Variants in ZBED1 observed in about 807,000 individuals in gnomAD.
ZBED1 encodes E3 SUMO-protein ligase ZBED1.
In ZBED1, 19 loss-of-function variants were observed where a neutral mutation model predicts 49.7. The observed-to-expected ratio is 0.38, with a 90% CI of 0.27 to 0.56. The LOEUF (loss-of-function observed/expected upper bound fraction) is 0.56. ZBED1 is among the 20% of genes least tolerant of loss of function. The pLI is 0.70. For synonymous variants in ZBED1, 439 were observed against 440.3 expected, an observed-to-expected ratio of 1.00 and a Z score of 0.04; for missense variants, 806 against 972.6, an observed-to-expected ratio of 0.83 and a Z score of 2.28.
chrX:2,488,511 TTCTAGGTG>T lies in ZBED1; in HGVS notation c.*116_*123del. The T allele has an allele frequency of 7.9e-7, 1 of 1,265,394 alleles. No homozygotes were observed. Among genetic ancestry groups the T allele is most frequent in the South Asian group, 1.6e-5 (1 of 63,470 alleles). The allele number at this position is 1,265,394 out of a possible 1,614,324, so 78.4% of individuals were successfully genotyped here. A position where few individuals can be genotyped will look rare whatever the true frequency, so the allele number is the denominator to read the frequency against. ...CTCAAATCTCTTTCCTTTTTCCACC[TTCTAGGTG>T]TCAAAGACAGTGGATGGTCTCTGAG... On this transcript the variant is annotated 3_prime_UTR_variant, in exon 2 of 2. Transcript: ENST00000652001.
At position 2,492,422 on chromosome X, in the gene ZBED1, A is replaced by G. The variant is rs2045176310; in HGVS notation, c.-53-1650T>C. 4.8e-5 allele frequency among the ~76,000 whole-genome samples: 7 copies of G among 144,876 alleles called. No individual in the cohort carries two copies. The South Asian group carries it at 1.5e-3, about 32-fold the overall frequency. On this transcript the variant is annotated intron_variant, in intron 1 of 1. Coordinates refer to ENST00000652001, the MANE Select transcript of ZBED1 (RefSeq NM_001171136.2). The stretch of plus-strand genomic sequence containing the variant: ...GGAGAGGCAGGAAGGATCCTCCTCT[A>G]GAGCCTCCACAATGAACTGGATAAA...
intron 1 of ZBED1, among the ~76,000 whole-genome samples, chrX:2,499,406 A>T (rs1345082516): frequency 6.6e-6 from 1 of 150,976 alleles, no homozygotes; most frequent in African/African-American, 2.4e-5. Context: ...AGTATCATTT[A>T]ACCTAACATG....
intron 1 of ZBED1, among the ~76,000 whole-genome samples, chrX:2,491,398 T>C (rs2045141490): frequency 6.6e-6 from 1 of 152,100 alleles, no homozygotes; most frequent in African/African-American, 2.4e-5. Flanking sequence ...CGCAGGGGCT[T>C]GTTGTTCCTG....
At chrX:2,498,957 T>C (rs1374499725) in intron 1 of ZBED1, among the ~76,000 whole-genome samples, 1 of 152,072 alleles carries the variant, frequency 6.6e-6, no homozygotes, top group Non-Finnish European at 1.5e-5. Context: ...GTAATTATGC[T>C]AAGTGGGTTT....
chrX:2,490,369 G>A lies in ZBED1; in HGVS notation c.351C>T (p.Gly117=), dbSNP rs1366478305. 6.2e-7 allele frequency: 1 copy of A among 1,613,546 alleles called. No individual in the cohort carries two copies. Among genetic ancestry groups the A allele is most frequent in the Admixed American group, 1.7e-5 (1 of 59,998 alleles). The change falls in exon 2 of 2, where the codon GGC becomes GGT. Residue 117 remains glycine, a synonymous_variant. Transcript: ENST00000652001. Reference sequence around the variant, plus strand: ...GCTCCTGCTGCTTCTTGCTGTCGTAGCCGTGGCCGGCCTTGACGGCCAGCG... The same window carrying A: ...GCTCCTGCTGCTTCTTGCTGTCGTAACCGTGGCCGGCCTTGACGGCCAGCG... ...QDALAVKAGH[G]YDSKKQQELT... is the part of the protein sequence containing the mutation.
At chrX:2,495,074 G>T (rs2045247826) in intron 1 of ZBED1, among the ~76,000 whole-genome samples, 3 of 147,368 alleles carry the variant, frequency 2.0e-5, no homozygotes, top group Non-Finnish European at 3.0e-5. Flanking sequence ...GTTATTATTT[G>T]GCTGAAAGAC....
intron 1 of ZBED1, among the ~76,000 whole-genome samples, chrX:2,498,747 G>T (rs1466142673): frequency 6.6e-6 from 1 of 152,048 alleles, no homozygotes; most frequent in African/African-American, 2.4e-5. Context: ...GGCCCACACA[G>T]GCCCTTAAGG....
chrX:2,487,345 C>T lies in ZBED1; in HGVS notation c.*1290G>A, dbSNP rs1319195081. On this transcript the variant is annotated 3_prime_UTR_variant, in exon 2 of 2. Coordinates refer to ENST00000652001, the MANE Select transcript of ZBED1 (RefSeq NM_001171136.2). ...TAGGGCTGAGACACCGAAGACATAACCTCCGGACCCGTGAGCCACCCACTT... is the reference window on the plus strand; with the variant it reads ...TAGGGCTGAGACACCGAAGACATAATCTCCGGACCCGTGAGCCACCCACTT... The T allele has an allele frequency of 6.6e-6, 1 of 151,574 alleles. No individual in the cohort carries two copies. The highest frequency in any genetic ancestry group is 2.0e-4 in the East Asian group (1 of 4,974). 9.4% of individuals were successfully genotyped at this position (151,574 alleles called of 1,614,324 possible). A position where few individuals can be genotyped will look rare whatever the true frequency, so the allele number is the denominator to read the frequency against.
At chrX:2,493,994 A>AG (rs1237174164) in intron 1 of ZBED1, among the ~76,000 whole-genome samples, 1 of 151,816 alleles carries the variant, frequency 6.6e-6, no homozygotes, top group East Asian at 1.9e-4. Context: ...AAAACAAAAA[A>AG]AAAGATATAT....
chrX:2,488,911 C>T lies in ZBED1; in HGVS notation c.1809G>A (p.Lys603=), dbSNP rs760777464. ...TCACGCACCAGTACTTCTGCAGCAC[C>T]TTGGGCAGCAGGGGGAAGAGGGCCA... The part of the protein sequence containing the change: ...DRLALFPLLP[K]VLQKYWCVTA... Residue 603 remains lysine, a synonymous_variant, in exon 2 of 2, where the codon AAG becomes AAA. Transcript: ENST00000652001. The T allele has an allele frequency of 6.2e-7, 1 of 1,605,530 alleles. No homozygotes were observed. The highest frequency in any genetic ancestry group is 1.1e-5 in the South Asian group (1 of 89,908).
In ZBED1 at chrX:2,489,566, A is replaced by T; in HGVS notation, c.1154T>A (p.Met385Lys). Residue 385 changes from methionine (M) to lysine (K), a missense_variant, in exon 2 of 2, where the codon ATG (methionine) becomes AAG (lysine). Physicochemically the swap from Met to Lys is moderately conservative, Grantham distance 95. Around this residue, in one of 2 missense-constraint regions of ZBED1, gnomAD observed 749 missense variants for 861.3 expected, o/e 0.87. Coordinates refer to ENST00000652001, the MANE Select transcript of ZBED1 (RefSeq NM_001171136.2). Reference protein sequence around the residue: ...LVEDSNNHHLMLEASEWATIE... With the variant: ...LVEDSNNHHLKLEASEWATIE... ...GGTGGCCCACTCGCTGGCCTCCAGC[A>T]TGAGGTGGTGGTTGTTGCTGTCCTC... 1 of 1,612,668 alleles carries T rather than the reference A, an allele frequency of 6.2e-7. No homozygotes were observed. The highest frequency in any genetic ancestry group is 8.5e-7 in the Non-Finnish European group (1 of 1,179,816).
chrX:2,489,452 T>C lies in ZBED1; in HGVS notation c.1268A>G (p.Lys423Arg), dbSNP rs2045060981. Reference sequence around the variant, plus strand: ...GTTCAGGAGCATGTGCAGCAGCGGCTTCACCATGCTGATGGTGGGGTACCT... The same window carrying C: ...GTTCAGGAGCATGTGCAGCAGCGGCCTCACCATGCTGATGGTGGGGTACCT... ...ASRYPTISMV[K>R]PLLHMLLNTT... The change falls in exon 2 of 2, where the codon AAG (lysine) becomes AGG (arginine). Residue 423 changes from lysine to arginine, a missense_variant. Physicochemically the swap from Lys to Arg is conservative, Grantham distance 26 (BLOSUM62 2). Around this residue, in one of 2 missense-constraint regions of ZBED1, gnomAD observed 749 missense variants for 861.3 expected, o/e 0.87. Transcript: ENST00000652001. 1 of 1,613,712 alleles carries C rather than the reference T, an allele frequency of 6.2e-7. No homozygotes were observed. Among genetic ancestry groups the C allele is most frequent in the Non-Finnish European group, 8.5e-7 (1 of 1,179,838 alleles).
chrX:2,489,865 T>C lies in ZBED1; in HGVS notation c.855A>G (p.Ala285=). Residue 285 remains alanine (A), a synonymous_variant, in exon 2 of 2, where the codon GCA becomes GCG. Coordinates refer to ENST00000652001, the MANE Select transcript of ZBED1 (RefSeq NM_001171136.2). The stretch of plus-strand genomic sequence containing the variant: ...TGTGGCCCAGGCAGGGCATGTGCAC[T>C]GCGACGTCCAGCAGGGAGCACGCCT... ...IVKACSLLDV[A]VHMPCLGHTF... is the part of the protein sequence containing the mutation. 1 of 1,613,760 alleles carries C rather than the reference T, an allele frequency of 6.2e-7. No individual in the cohort carries two copies. Among genetic ancestry groups the C allele is most frequent in the South Asian group, 1.1e-5 (1 of 91,076 alleles).
In ZBED1 at chrX:2,500,835, C is replaced by A; in HGVS notation, c.-72G>T. The A allele has an allele frequency of 2.6e-6, 3 of 1,143,412 alleles. No individual in the cohort carries two copies. Among genetic ancestry groups the A allele is most frequent in the African/African-American group, 3.3e-5 (2 of 60,568 alleles). 70.8% of individuals were successfully genotyped at this position (1,143,412 alleles called of 1,614,324 possible). A position where few individuals can be genotyped will look rare whatever the true frequency, so the allele number is the denominator to read the frequency against. On this transcript the variant is annotated 5_prime_UTR_variant, in exon 1 of 2. Coordinates refer to ENST00000652001, the MANE Select transcript of ZBED1 (RefSeq NM_001171136.2). ...CGCTGACCTGGCTCCAGGAAGCCCC[C>A]GCGGCAGCGCCGCAGCAGCTGCGCC...
chrX:2,486,462 G>T lies in ZBED1; in HGVS notation c.*2173C>A, dbSNP rs1249619437. 3 of 152,198 alleles carry T rather than the reference G, an allele frequency of 2.0e-5. No homozygotes were observed. The allele number at this position is 152,198 out of a possible 1,614,324, so 9.4% of individuals were successfully genotyped here. On this transcript the variant is annotated 3_prime_UTR_variant, in exon 2 of 2. Transcript: ENST00000652001. ...CATTGCTCTGGTTTATTGAACAACA[G>T]TCCAACTTTACAGCATTAAATAAGG...
At chrX:2,494,650 G>C (rs1321518784) in intron 1 of ZBED1, among the ~76,000 whole-genome samples, 1 of 151,494 alleles carries the variant, frequency 6.6e-6, no homozygotes, top group Admixed American at 6.6e-5. Context: ...ATTATTATTT[G>C]GCTCACAGGT....
chrX:2,500,309 AC>A, intron 1 of ZBED1: 1 of 187,056 alleles, frequency 5.3e-6, no homozygotes, highest in Admixed American at 4.9e-5. Flanking sequence ...ATCCTCACTT[AC>A]CCTGGGGTGG....
Position 2,489,514 on chromosome X carries a change from C to T in ZBED1, c.1206G>A (p.Gln402=). ...ATIEGLVELL[Q]PFKQVAEMLS... Reference sequence around the variant, plus strand: ...GCATCTCGGCCACCTGCTTGAAGGGCTGCAGGAGCTCCACCAGCCCCTCGA... The same window carrying T: ...GCATCTCGGCCACCTGCTTGAAGGGTTGCAGGAGCTCCACCAGCCCCTCGA... The change falls in exon 2 of 2, where the codon CAG becomes CAA. Residue 402 remains glutamine, a synonymous_variant. Transcript: ENST00000652001. 6.2e-7 allele frequency: 1 copy of T among 1,613,162 alleles called. No homozygotes were observed. Among genetic ancestry groups the T allele is most frequent in the Non-Finnish European group, 8.5e-7 (1 of 1,179,852 alleles).
chrX:2,499,198 G>A (rs1300632316), intron 1 of ZBED1, among the ~76,000 whole-genome samples: 1 of 152,084 alleles, frequency 6.6e-6, no homozygotes, highest in African/African-American at 2.4e-5. Flanking sequence ...TCGCCTGGCT[G>A]ACTCCCAGTC....
Sources: gnomAD v4.1 joint callset for allele counts (sites outside exome capture counted in the v4.1 genomes callset) on GRCh38, gnomAD v4.1.1 for gene constraint, gnomAD v4.1.1 regional missense constraint, MANE v1.5 for transcripts, NCBI Gene and HGNC (gene_info 2026-07-23, HGNC 2026-07-21) for gene names.